The following UBTD1 variants were observed in gnomAD, a reference collection of about 807,000 sequenced individuals.
UBTD1 encodes the protein ubiquitin domain containing 1, also known as ubiquitin domain-containing protein 1.
Under a neutral mutation model 21.7 loss-of-function variants are expected in UBTD1, and 19 were observed. That is an observed-to-expected ratio of 0.87 (90% CI 0.61 to 1.28). The LOEUF (loss-of-function observed/expected upper bound fraction) is 1.28, where lower values mean the gene tolerates loss of function less well. UBTD1 is among the 50% of genes most tolerant of loss of function. The probability of loss-of-function intolerance (pLI) is 0.00; values close to 1 mark genes in which losing one functional copy is unlikely to be tolerated. For synonymous variants in UBTD1, 116 were observed against 135.1 expected (o/e 0.86, Z 0.98); for missense variants, 282 against 315.1 (o/e 0.89, Z 0.80).
chr10:97,560,594 C>G (rs1341557090), intron 1 of UBTD1, among the ~76,000 whole-genome samples: 1 of 152,146 alleles, frequency 6.6e-6, no homozygotes, highest in Admixed American at 6.5e-5. Context: ...TACCTTGTGT[C>G]ATACCTTTGA....
At chr10:97,504,509 G>C (rs993746880) in intron 1 of UBTD1, among the ~76,000 whole-genome samples, 2 of 152,044 alleles carry the variant, frequency 1.3e-5, no homozygotes, top group Admixed American at 6.5e-5. Flanking sequence ...ACCCTCCCAG[G>C]CCATTTCATT....
rs557177983 is a variant in UBTD1 at position 97,524,286 on chromosome 10, C to CG, written c.70+25020dup. Among the ~76,000 whole-genome samples, 355 of 106,394 alleles carry CG rather than the reference C, an allele frequency of 3.3e-3. 2 individuals carry two copies. Among genetic ancestry groups the CG allele is most frequent in the African/African-American group, 9.2e-3 (289 of 31,524 alleles). 69.8% of individuals were successfully genotyped at this position (106,394 alleles called of 152,430 possible). On this transcript the variant is annotated intron_variant, in intron 1 of 2. Coordinates refer to ENST00000370664, the MANE Select transcript of UBTD1 (RefSeq NM_024954.5). ...ATTTTTGTATGTTTTTGTAGGGATG[C>CG]GGGGGGGTCTCACTATGTTGCCCAG...
intron 1 of UBTD1, among the ~76,000 whole-genome samples, chr10:97,535,426 T>G (rs1020115018): frequency 6.6e-6 from 1 of 152,070 alleles, no homozygotes; most frequent in Non-Finnish European, 1.5e-5. Context: ...CCATCCTGGC[T>G]AACACAGTGA....
At chr10:97,519,630 T>G (rs1419005285) in intron 1 of UBTD1, among the ~76,000 whole-genome samples, 2 of 151,824 alleles carry the variant, frequency 1.3e-5, no homozygotes, top group African/African-American at 4.8e-5. Flanking sequence ...AAAAGCATAT[T>G]CAGGATCATA....
chr10:97,561,176 A>G (rs184204648), intron 1 of UBTD1, among the ~76,000 whole-genome samples: 24 of 152,108 alleles, frequency 1.6e-4, no homozygotes, highest in Middle Eastern at 3.4e-3. Flanking sequence ...CACCGGGTCA[A>G]TTTCCTACCC....
Position 97,499,282 on chromosome 10 carries a change from G to A in UBTD1, c.70+9G>A, listed in dbSNP as rs1162309912. 98 of 1,548,140 alleles carry A rather than the reference G, an allele frequency of 6.3e-5. No homozygotes were observed. The highest frequency in any genetic ancestry group is 8.4e-5 in the Non-Finnish European group (96 of 1,145,596). On this transcript the variant is annotated intron_variant, in intron 1 of 2. Transcript: ENST00000370664. Reference sequence around the variant, plus strand: ...CCCCCGCAAGCGAGCAGGTAACGATGGGGAAGGGAGCAGGGCCTCGGGCAT... The same window carrying A: ...CCCCCGCAAGCGAGCAGGTAACGATAGGGAAGGGAGCAGGGCCTCGGGCAT...
intron 1 of UBTD1, among the ~76,000 whole-genome samples, chr10:97,534,562 AAC>A (rs200467176): frequency 2.3e-4 from 30 of 128,018 alleles, no homozygotes; most frequent in East Asian, 4.8e-4. Flanking sequence ...GGCACTAAGG[AAC>A]ACACACGCGC....
Position 97,562,139 on chromosome 10 carries a change from C to T in UBTD1, c.71-5775C>T, listed in dbSNP as rs570164559. ...TTAAAACGGTCCAGGCGTGGTGGCT[C>T]ACGTCTGTAATCCTAGCACTTTGGG... On this transcript the variant is annotated intron_variant, in intron 1 of 2. Transcript: ENST00000370664. Among the ~76,000 whole-genome samples, 7 of 152,262 alleles carry T rather than the reference C, an allele frequency of 4.6e-5. No homozygotes were observed. In the South Asian group the frequency reaches 1.2e-3, roughly 27 times the overall value.
chr10:97,506,874 T>A (rs745803211), intron 1 of UBTD1, among the ~76,000 whole-genome samples: 2 of 152,232 alleles, frequency 1.3e-5, no homozygotes, highest in African/African-American at 4.8e-5. Context: ...TTCCATTGTA[T>A]GTATATACCA....
intron 1 of UBTD1, among the ~76,000 whole-genome samples, chr10:97,507,237 C>T (rs1359307319): frequency 6.6e-6 from 1 of 152,142 alleles, no homozygotes; most frequent in East Asian, 1.9e-4. Context: ...TTATAATAGC[C>T]ATCCTAATGA....
chr10:97,551,788 T>G (rs1442969910), intron 1 of UBTD1, among the ~76,000 whole-genome samples: 1 of 152,178 alleles, frequency 6.6e-6, no homozygotes, highest in Non-Finnish European at 1.5e-5. Flanking sequence ...ATGGTATTAT[T>G]CTTATTATTA....
At chr10:97,556,502 G>A (rs557229208) in intron 1 of UBTD1, among the ~76,000 whole-genome samples, 15 of 152,280 alleles carry the variant, frequency 9.9e-5, no homozygotes, top group Admixed American at 2.6e-4. Flanking sequence ...TGTGTGATTC[G>A]GTTGAGCATG....
At chr10:97,526,884 C>T (rs61861943) in intron 1 of UBTD1, among the ~76,000 whole-genome samples, 33 of 148,890 alleles carry the variant, frequency 2.2e-4, no homozygotes, top group Admixed American at 5.4e-4. Context: ...AGAAATGCCT[C>T]TCTTAGGCCG....
At chr10:97,524,430 ACCT>A (rs1453547237) in intron 1 of UBTD1, among the ~76,000 whole-genome samples, 2 of 151,756 alleles carry the variant, frequency 1.3e-5, no homozygotes, top group Non-Finnish European at 2.9e-5. Flanking sequence ...TGACTGGCAC[ACCT>A]CCTTCTTCTA....
At chr10:97,557,330 C>T (rs1038147001) in intron 1 of UBTD1, among the ~76,000 whole-genome samples, 1 of 152,094 alleles carries the variant, frequency 6.6e-6, no homozygotes, top group Admixed American at 6.6e-5. Flanking sequence ...CCTTTTCCAT[C>T]AATGCCTAAT....
intron 1 of UBTD1, among the ~76,000 whole-genome samples, chr10:97,503,033 C>CA (rs1009431825): frequency 6.6e-6 from 1 of 151,868 alleles, no homozygotes; most frequent in Non-Finnish European, 1.5e-5. Context: ...CCTCTCCCCT[C>CA]AGTCTTCCCA....
At chr10:97,529,694 A>G (rs535227269) in intron 1 of UBTD1, among the ~76,000 whole-genome samples, 1 of 152,270 alleles carries the variant, frequency 6.6e-6, no homozygotes, top group East Asian at 1.9e-4. Context: ...AGATGGCAGC[A>G]GCACAGTCCA....
chr10:97,570,765 T>G lies in UBTD1; in HGVS notation c.*242T>G. On this transcript the variant is annotated 3_prime_UTR_variant, in exon 3 of 3. Coordinates refer to ENST00000370664, the MANE Select transcript of UBTD1 (RefSeq NM_024954.5). This position sits in a 1 kb window ranked among gnomAD's most constrained non-coding sequence, Gnocchi z 6.6. Reference sequence around the variant, plus strand: ...GAAAAGGCGAACAGGGCCCTCACCCTGCCTGTCTCCCGAAGCAGGTTCGAG... The same window carrying G: ...GAAAAGGCGAACAGGGCCCTCACCCGGCCTGTCTCCCGAAGCAGGTTCGAG... 4.0e-6 allele frequency: 2 copies of G among 505,766 alleles called. No homozygotes were observed. Among genetic ancestry groups the G allele is most frequent in the Non-Finnish European group, 7.0e-6 (2 of 287,126 alleles). 31.3% of individuals were successfully genotyped at this position (505,766 alleles called of 1,614,324 possible).
intron 1 of UBTD1, among the ~76,000 whole-genome samples, chr10:97,512,419 A>G (rs981776359): frequency 6.6e-6 from 1 of 152,228 alleles, no homozygotes; most frequent in Admixed American, 6.5e-5. Context: ...TCAGTGTGAT[A>G]GTCCTGCTGT....
Sources: gnomAD v4.1 joint callset for allele counts (sites outside exome capture counted in the v4.1 genomes callset) on GRCh38, gnomAD v4.1.1 for gene constraint, Gnocchi (gnomAD v3.1) non-coding constraint, MANE v1.5 for transcripts, NCBI Gene and HGNC (gene_info 2026-07-23, HGNC 2026-07-21) for gene names.